The following PUS10 variants were observed in gnomAD, a reference collection of about 807,000 sequenced individuals.
PUS10 encodes pseudouridine synthase 10.
PUS10 carries 59 observed loss-of-function variants against 75.0 expected under a neutral mutation model. The ratio of observed to expected loss-of-function variants is 0.79; its 90% CI spans 0.64 to 0.98. The LOEUF (loss-of-function observed/expected upper bound fraction) is 0.98, where lower values mean the gene tolerates loss of function less well. Ranked by LOEUF, PUS10 falls within the 50% of genes least tolerant of loss-of-function variation. The pLI is 0.00. For synonymous variants in PUS10, 219 were observed against 211.6 expected, an observed-to-expected ratio of 1.03 and a Z score of -0.30; for missense variants, 650 against 614.4, an observed-to-expected ratio of 1.06 and a Z score of -0.61.
intron 4 of PUS10, among the ~76,000 whole-genome samples, chr2:60,978,110 C>T (rs142866747): frequency 5.2e-4 from 79 of 152,076 alleles, no homozygotes; most frequent in African/African-American, 1.8e-3. Context: ...ATCTGAGCTT[C>T]GAAGGATCAG....
intron 10 of PUS10, among the ~76,000 whole-genome samples, chr2:60,961,096 T>G (rs1384268369): frequency 6.6e-6 from 1 of 152,200 alleles, no homozygotes; most frequent in East Asian, 1.9e-4. Flanking sequence ...TTGGAGATAA[T>G]AAGTTATTTT....
chr2:60,995,494 G>A (rs1678394677), intron 4 of PUS10, among the ~76,000 whole-genome samples: 1 of 152,004 alleles, frequency 6.6e-6, no homozygotes, highest in African/African-American at 2.4e-5. Flanking sequence ...ACACAGTGGT[G>A]GTATCAGAAA....
intron 4 of PUS10, 55 bp downstream of exon 4, chr2:61,006,502 G>T: frequency 1.6e-6 from 2 of 1,263,176 alleles, no homozygotes; most frequent in South Asian, 1.3e-5. Context: ...CCCATTTTTT[G>T]AGAAATTCCT....
intron 8 of PUS10, 126 bp from the exon 9 acceptor site, chr2:60,963,016 G>A: frequency 7.2e-7 from 1 of 1,381,292 alleles, no homozygotes; most frequent in Non-Finnish European, 9.3e-7. Context: ...TACTTAACAT[G>A]GAGAAATACT....
chr2:60,948,050 C>G lies in PUS10; in HGVS notation c.1444G>C (p.Ala482Pro), dbSNP rs369402051. ...CAGCAGGTGGAAGGATACGTGCCAGCCTGAGTTTTCAAGTGGAGGCGGAAG... is the reference window on the plus strand; with the variant it reads ...CAGCAGGTGGAAGGATACGTGCCAGGCTGAGTTTTCAAGTGGAGGCGGAAG... ...HHFRLHLKTQAGTYIKEFVHG... is the reference protein window; with the variant it reads ...HHFRLHLKTQPGTYIKEFVHG... The change falls in exon 16 of 18, where the codon GCT becomes CCT. Residue 482 changes from alanine to proline, a missense_variant. Physicochemically the swap from Ala to Pro is conservative, Grantham distance 27. Transcript: ENST00000316752. The G allele has an allele frequency of 9.3e-6, 15 of 1,613,958 alleles. No homozygotes were observed. Among genetic ancestry groups the G allele is most frequent in the East Asian group, 4.5e-5 (2 of 44,876 alleles).
chr2:60,971,606 T>C lies in PUS10; in HGVS notation c.469-49A>G, dbSNP rs752759494. 7.7e-6 allele frequency: 12 copies of C among 1,559,944 alleles called. No individual in the cohort carries two copies. The Middle Eastern group carries it at 5.0e-4, about 65-fold the overall frequency. On this transcript the variant is annotated intron_variant, in intron 4 of 17. Transcript: ENST00000316752. Reference sequence around the variant, plus strand: ...AGAAAGAGAAAAGGGGGAAACATGTTCAGTGAAATTAAGTCTCAATATCAT... The same window carrying C: ...AGAAAGAGAAAAGGGGGAAACATGTCCAGTGAAATTAAGTCTCAATATCAT...
intron 11 of PUS10, among the ~76,000 whole-genome samples, chr2:60,957,845 C>A (rs3962159): frequency 6.6e-6 from 1 of 152,242 alleles, no homozygotes; most frequent in Admixed American, 6.5e-5. Flanking sequence ...TAGACTGAGG[C>A]AGGCTTCCAG....
chr2:61,004,193 A>G (rs771362297), intron 4 of PUS10, among the ~76,000 whole-genome samples: 2 of 152,238 alleles, frequency 1.3e-5, no homozygotes, highest in Non-Finnish European at 2.9e-5. Flanking sequence ...TTCAAAATGC[A>G]GAATATTCTG....
In PUS10 at chr2:60,942,136, C is replaced by T. The variant is rs1292010067; in HGVS notation, c.*259G>A. 2.5e-6 allele frequency: 1 copy of T among 408,160 alleles called. No individual in the cohort carries two copies. The highest frequency in any genetic ancestry group is 4.5e-6 in the Non-Finnish European group (1 of 224,254). The allele number at this position is 408,160 out of a possible 1,614,324, so 25.3% of individuals were successfully genotyped here. A position where few individuals can be genotyped will look rare whatever the true frequency, so the allele number is the denominator to read the frequency against. On this transcript the variant is annotated 3_prime_UTR_variant, in exon 18 of 18. Transcript: ENST00000316752. Reference sequence around the variant, plus strand: ...ATGAAAGAATTAAGGAGAATTATTTCATTATTCATAGTTTGGTTTGTGGGG... The same window carrying T: ...ATGAAAGAATTAAGGAGAATTATTTTATTATTCATAGTTTGGTTTGTGGGG...
At chr2:61,015,617 C>T (rs1251750492) in intron 1 of PUS10, among the ~76,000 whole-genome samples, 2 of 152,054 alleles carry the variant, frequency 1.3e-5, no homozygotes, top group African/African-American at 2.4e-5. Context: ...GAGAATCGCC[C>T]GAACCCAGGA....
chr2:61,005,880 C>T (rs926996498), intron 4 of PUS10, among the ~76,000 whole-genome samples: 1 of 152,196 alleles, frequency 6.6e-6, no homozygotes, highest in Admixed American at 6.5e-5. Flanking sequence ...TCTGGTGATA[C>T]TGTAGGTTTC....
Position 60,953,989 on chromosome 2 carries a change from C to T in PUS10, c.1135-1G>A. Reference sequence around the variant, plus strand: ...TTTTGTTAGATGAGTTATTAATTTTCTGTAGTAGCAGAAAAAGAAAAACAA... The same window carrying T: ...TTTTGTTAGATGAGTTATTAATTTTTTGTAGTAGCAGAAAAAGAAAAACAA... On this transcript the variant is annotated splice_acceptor_variant, in intron 13 of 17. Coordinates refer to ENST00000316752, the MANE Select transcript of PUS10 (RefSeq NM_144709.4). LOFTEE classifies it high-confidence loss of function. 1 of 1,613,840 alleles carries T rather than the reference C, an allele frequency of 6.2e-7. No individual in the cohort carries two copies. The highest frequency in any genetic ancestry group is 8.5e-7 in the Non-Finnish European group (1 of 1,179,696).
intron 4 of PUS10, among the ~76,000 whole-genome samples, chr2:60,979,913 G>A (rs1677278782): frequency 6.6e-6 from 1 of 152,234 alleles, no homozygotes; most frequent in Non-Finnish European, 1.5e-5. Context: ...TATTACTCCA[G>A]TTCCTGGAAT....
At chr2:60,993,171 T>C (rs1678221241) in intron 4 of PUS10, among the ~76,000 whole-genome samples, 3 of 152,256 alleles carry the variant, frequency 2.0e-5, no homozygotes, top group African/African-American at 2.4e-5. Flanking sequence ...TATGAAAGTG[T>C]CCAGGCCAGG....
At chr2:61,004,697 A>G (rs1326852964) in intron 4 of PUS10, among the ~76,000 whole-genome samples, 1 of 152,050 alleles carries the variant, frequency 6.6e-6, no homozygotes, top group East Asian at 1.9e-4. Context: ...AACCATAAAC[A>G]TAATTTTCTG....
chr2:60,998,885 T>C (rs1678660006), intron 4 of PUS10: 1 of 152,142 alleles, frequency 6.6e-6, no homozygotes, highest in Admixed American at 6.5e-5. Context: ...TAGGGTCATG[T>C]ATAATTTGTA....
At chr2:60,982,133 T>C (rs1265771151) in intron 4 of PUS10, among the ~76,000 whole-genome samples, 2 of 152,034 alleles carry the variant, frequency 1.3e-5, no homozygotes, top group Non-Finnish European at 2.9e-5. Flanking sequence ...CTAGTCACAA[T>C]GCAGGTATTT....
intron 10 of PUS10, among the ~76,000 whole-genome samples, chr2:60,960,843 T>TAA (rs34578958): frequency 2.5e-5 from 3 of 120,658 alleles, no homozygotes; most frequent in East Asian, 2.5e-4. Flanking sequence ...ATACCAAGGA[T>TAA]AAAAAAAAAA....
intron 4 of PUS10, among the ~76,000 whole-genome samples, chr2:60,990,664 GAAGAAAAC>G (rs1452497149): frequency 6.6e-6 from 1 of 152,182 alleles, no homozygotes; most frequent in Non-Finnish European, 1.5e-5. Context: ...CTAGAACTCA[GAAGAAAAC>G]AAAAATCCTC....
Sources: allele counts gnomAD v4.1 joint callset (sites outside exome capture counted in the v4.1 genomes callset), GRCh38; gene constraint gnomAD v4.1.1; transcripts MANE v1.5; gene names NCBI Gene and HGNC (gene_info 2026-07-23, HGNC 2026-07-21).